Variants in DAPK1 observed in about 807,000 individuals in gnomAD.
The protein encoded by DAPK1 is death associated protein kinase 1, also known as death-associated protein kinase 1.
Under a neutral mutation model 144.9 loss-of-function variants are expected in DAPK1, and 56 were observed. The ratio of observed to expected loss-of-function variants is 0.39; its 90% CI spans 0.31 to 0.48. The LOEUF (loss-of-function observed/expected upper bound fraction) is 0.48. Ranked by LOEUF, DAPK1 falls within the 20% of genes least tolerant of loss-of-function variation. DAPK1 has a pLI of 0.95. For missense variants in DAPK1, 1,454 were observed against 1,875.4 expected (o/e 0.78, Z 4.15); for synonymous variants, 690 against 749.0 (o/e 0.92, Z 1.29).
chr9:87,680,464 G>A (rs1266239555), intron 19 of DAPK1, among the ~76,000 whole-genome samples: 1 of 152,132 alleles, frequency 6.6e-6, no homozygotes, highest in Non-Finnish European at 1.5e-5. Flanking sequence ...AAAAGTGATG[G>A]TAGATATTTT....
chr9:87,621,063 T>C (rs1829277511), intron 3 of DAPK1, among the ~76,000 whole-genome samples: 2 of 152,202 alleles, frequency 1.3e-5, no homozygotes, highest in Admixed American at 1.3e-4. Context: ...GGAATCTCCA[T>C]GTGTCCACTG....
chr9:87,695,715 C>T (rs1172899814), intron 21 of DAPK1, among the ~76,000 whole-genome samples: 1 of 152,234 alleles, frequency 6.6e-6, no homozygotes, highest in Non-Finnish European at 1.5e-5. Context: ...CTTGCTTCTT[C>T]TGAGCAGCCT....
At chr9:87,568,383 A>C (rs1210846796) in intron 2 of DAPK1, among the ~76,000 whole-genome samples, 1 of 152,236 alleles carries the variant, frequency 6.6e-6, no homozygotes, top group Non-Finnish European at 1.5e-5. Context: ...ACAACACTCC[A>C]GTTGTGATCA....
chr9:87,514,315 T>G (rs1587675194), intron 2 of DAPK1, among the ~76,000 whole-genome samples: 1 of 152,182 alleles, frequency 6.6e-6, no homozygotes, highest in Non-Finnish European at 1.5e-5. Context: ...GCTGTTGTAC[T>G]TTGATTTGTA....
intron 2 of DAPK1, chr9:87,525,477 T>A: frequency 6.6e-7 from 1 of 1,515,496 alleles, no homozygotes; most frequent in African/African-American, 1.4e-5. Context: ...TTGGACTAAA[T>A]GATCTTCCTT....
chr9:87,637,881 T>G, intron 3 of DAPK1, 62 bp from the exon 4 acceptor site: 3 of 1,573,048 alleles, frequency 1.9e-6, no homozygotes, highest in Non-Finnish European at 2.6e-6. Flanking sequence ...CAATAGTCTA[T>G]GAGAGAAGGA....
intron 2 of DAPK1, among the ~76,000 whole-genome samples, chr9:87,519,923 G>A (rs1201339090): frequency 6.6e-6 from 1 of 152,162 alleles, no homozygotes; most frequent in African/African-American, 2.4e-5. Context: ...CACTAGGGAC[G>A]AGGCTGTCAC....
chr9:87,580,275 G>A (rs564405369), intron 2 of DAPK1, among the ~76,000 whole-genome samples: 84 of 152,140 alleles, frequency 5.5e-4, no homozygotes, highest in South Asian at 2.1e-3. Flanking sequence ...TAAATAAAAA[G>A]GGATGTCATT....
intron 2 of DAPK1, among the ~76,000 whole-genome samples, chr9:87,546,026 G>A (rs1272527252): frequency 6.6e-6 from 1 of 152,138 alleles, no homozygotes. Flanking sequence ...ACTTCCCATA[G>A]CATAGAGGGT....
At chr9:87,580,581 T>C (rs537321637) in intron 2 of DAPK1, among the ~76,000 whole-genome samples, 51 of 152,348 alleles carry the variant, frequency 3.3e-4, no homozygotes, top group African/African-American at 1.2e-3. Flanking sequence ...TGGAGGAATT[T>C]CTTGCTTCAT....
chr9:87,700,267 C>T, intron 24 of DAPK1, 30 bp downstream of exon 24: 1 of 1,590,372 alleles, frequency 6.3e-7, no homozygotes, highest in Non-Finnish European at 8.6e-7. Context: ...AGCCTGGACC[C>T]CTTTGTACTT....
At chr9:87,580,806 C>T (rs1271960705) in intron 2 of DAPK1, among the ~76,000 whole-genome samples, 1 of 152,124 alleles carries the variant, frequency 6.6e-6, no homozygotes, top group Non-Finnish European at 1.5e-5. Flanking sequence ...TAGGACCGAG[C>T]GGTTAAGCTT....
intron 3 of DAPK1, among the ~76,000 whole-genome samples, chr9:87,607,106 T>A (rs1162978446): frequency 6.6e-6 from 1 of 152,044 alleles, no homozygotes; most frequent in Non-Finnish European, 1.5e-5. Flanking sequence ...AACAGAGCTT[T>A]AAGGGGCCAG....
chr9:87,620,184 C>T (rs1002124925), intron 3 of DAPK1, among the ~76,000 whole-genome samples: 3 of 152,090 alleles, frequency 2.0e-5, no homozygotes, highest in Non-Finnish European at 2.9e-5. Context: ...CGTGCCCCTC[C>T]GCTCGTGCCC....
chr9:87,540,002 T>C (rs1825987176), intron 2 of DAPK1, among the ~76,000 whole-genome samples: 1 of 152,000 alleles, frequency 6.6e-6, no homozygotes, highest in African/African-American at 2.4e-5. Flanking sequence ...GTCAAGTGCT[T>C]CCTTTAAGTG....
At chr9:87,498,887 C>G (rs1182450727) in intron 1 of DAPK1, 83 bp from the exon 2 acceptor site, 1 of 529,894 alleles carries the variant, frequency 1.9e-6, no homozygotes, top group Admixed American at 3.0e-5. Context: ...CTTCAGCGAG[C>G]GGGGTCTTAG....
At chr9:87,694,719 G>C (rs569538382) in intron 21 of DAPK1, among the ~76,000 whole-genome samples, 1 of 152,330 alleles carries the variant, frequency 6.6e-6, no homozygotes, top group African/African-American at 2.4e-5. Flanking sequence ...AGACCTTGGT[G>C]GCAGCTGCCA....
intron 3 of DAPK1, among the ~76,000 whole-genome samples, chr9:87,623,779 C>T (rs1829392637): frequency 6.6e-6 from 1 of 151,844 alleles, no homozygotes; most frequent in Non-Finnish European, 1.5e-5. Context: ...TCATAAGTGC[C>T]TTTCATTTGA....
At chr9:87,683,945 C>T (rs1824737676) in intron 20 of DAPK1, among the ~76,000 whole-genome samples, 1 of 152,194 alleles carries the variant, frequency 6.6e-6, no homozygotes, top group Non-Finnish European at 1.5e-5. Flanking sequence ...GAAGTGTGCG[C>T]TGGTGGTTGC....
Sources: gnomAD v4.1 joint callset for allele counts (sites outside exome capture counted in the v4.1 genomes callset) on GRCh38, gnomAD v4.1.1 for gene constraint, MANE v1.5 for transcripts, NCBI Gene and HGNC (gene_info 2026-07-23, HGNC 2026-07-21) for gene names.